The following NUMB variants were observed in gnomAD, a reference collection of about 807,000 sequenced individuals.
NUMB encodes the protein NUMB endocytic adaptor protein, also known as protein numb homolog.
NUMB carries 29 observed loss-of-function variants against 59.7 expected under a neutral mutation model. That is an observed-to-expected ratio of 0.49 (90% CI 0.36 to 0.66). The LOEUF is 0.66. Ranked by LOEUF, NUMB falls within the 30% of genes least tolerant of loss-of-function variation. NUMB has a pLI of 0.00. For missense variants in NUMB, 723 were observed against 822.0 expected, an observed-to-expected ratio of 0.88 and a Z score of 1.47; for synonymous variants, 288 against 288.2, an observed-to-expected ratio of 1.00 and a Z score of 0.01.
intron 1 of NUMB, among the ~76,000 whole-genome samples, chr14:73,447,565 C>T (rs1485693392): frequency 6.6e-6 from 1 of 150,762 alleles, no homozygotes; most frequent in Non-Finnish European, 1.5e-5. Context: ...AGGCTGAGCA[C>T]AGTGTCTGAC....
At chr14:73,353,081 T>G (rs1347505298) in intron 4 of NUMB, among the ~76,000 whole-genome samples, 1 of 100,328 alleles carries the variant, frequency 1.0e-5, no homozygotes, top group Non-Finnish European at 2.0e-5. Context: ...TGTTTTTTTT[T>G]TTTTTTTTTT....
At chr14:73,348,421 T>C (rs1448135559) in intron 4 of NUMB, among the ~76,000 whole-genome samples, 1 of 152,232 alleles carries the variant, frequency 6.6e-6, no homozygotes, top group Non-Finnish European at 1.5e-5. Context: ...CCAGGGGCCA[T>C]AGCCCAATAC....
At chr14:73,340,575 G>C (rs1892581107) in intron 4 of NUMB, among the ~76,000 whole-genome samples, 1 of 152,180 alleles carries the variant, frequency 6.6e-6, no homozygotes, top group Non-Finnish European at 1.5e-5. Flanking sequence ...GTTGTTTGCT[G>C]TATTTGCAGT....
At chr14:73,316,123 G>A (rs1891072171) in intron 6 of NUMB, among the ~76,000 whole-genome samples, 1 of 152,086 alleles carries the variant, frequency 6.6e-6, no homozygotes, top group African/African-American at 2.4e-5. Context: ...CACCAGCCTT[G>A]GCCTCCCAAA....
chr14:73,334,262 T>C (rs1892164913), intron 4 of NUMB, among the ~76,000 whole-genome samples: 1 of 152,184 alleles, frequency 6.6e-6, no homozygotes, highest in African/African-American at 2.4e-5. Context: ...CTATTTGTTC[T>C]TTTCTTTTAC....
chr14:73,286,221 TTTA>T (rs1309070561), intron 9 of NUMB: 9,984 of 53,714 alleles, frequency 0.19, 1,308 homozygotes, highest in Non-Finnish European at 0.23. Context: ...TTTTTTTTTT[TTTA>T]AGGGATAGAG....
At chr14:73,367,198 T>C (rs1287715696) in intron 2 of NUMB, among the ~76,000 whole-genome samples, 1 of 151,314 alleles carries the variant, frequency 6.6e-6, no homozygotes, top group Non-Finnish European at 1.5e-5. Context: ...AACCACAATT[T>C]TCTCTAATAC....
At chr14:73,297,485 T>C in intron 6 of NUMB, 200 bp from the exon 7 acceptor site, 1 of 433,492 alleles carries the variant, frequency 2.3e-6, no homozygotes, top group Non-Finnish European at 4.1e-6. Flanking sequence ...AAAGCCATTA[T>C]TTTAGAAACA....
rs182027988 is a variant in NUMB at position 73,361,365 on chromosome 14, A to C, written c.-16+5532T>G. ...GTTAAGTATTCTCCTCCTTTGACCA[A>C]GAAGCTAATTGTTCACTAATATAAA... On this transcript the variant is annotated intron_variant, in intron 3 of 12. Coordinates refer to ENST00000555238, the MANE Select transcript of NUMB (RefSeq NM_001005743.2). 2.9e-3 allele frequency among the ~76,000 whole-genome samples: 435 copies of C among 152,314 alleles called. 6 individuals are homozygous for C. The highest frequency in any genetic ancestry group is 3.4e-3 in the Middle Eastern group (1 of 294).
intron 1 of NUMB, among the ~76,000 whole-genome samples, chr14:73,423,966 C>CAA (rs34582645): frequency 0.025 from 1,843 of 73,920 alleles, 43 homozygotes; most frequent in African/African-American, 0.077. Flanking sequence ...ACCCTGTCTC[C>CAA]AAAAAAAAAA....
chr14:73,399,022 A>G (rs549862126), intron 2 of NUMB, among the ~76,000 whole-genome samples: 1 of 152,376 alleles, frequency 6.6e-6, no homozygotes, highest in Admixed American at 6.5e-5. Context: ...GTGGAAATAC[A>G]TATACAATGG....
intron 1 of NUMB, among the ~76,000 whole-genome samples, chr14:73,442,704 T>C (rs1037461296): frequency 1.3e-5 from 2 of 152,104 alleles, no homozygotes; most frequent in African/African-American, 2.4e-5. Flanking sequence ...ATTCTAGAAA[T>C]TGCAAACTAA....
chr14:73,424,372 A>G (rs1010174139), intron 1 of NUMB, among the ~76,000 whole-genome samples: 6 of 152,194 alleles, frequency 3.9e-5, no homozygotes, highest in African/African-American at 1.4e-4. Flanking sequence ...ACAACGAATT[A>G]ACATAATTTT....
chr14:73,426,576 G>A (rs562925285), intron 1 of NUMB, among the ~76,000 whole-genome samples: 4 of 152,228 alleles, frequency 2.6e-5, no homozygotes, highest in Admixed American at 2.0e-4. Flanking sequence ...GGCCGGGCGC[G>A]GTGGCTCAGA....
chr14:73,425,998 C>A lies in NUMB; in HGVS notation c.-232-15930G>T, dbSNP rs946564967. Among the ~76,000 whole-genome samples, 6 of 151,798 alleles carry A rather than the reference C, an allele frequency of 4.0e-5. No homozygotes were observed. In the East Asian group the frequency reaches 1.2e-3, roughly 29 times the overall value. On this transcript the variant is annotated intron_variant, in intron 1 of 12. Transcript: ENST00000555238. ...TAATTTTTTGTATTTTTAGTAGATA[C>A]AATGTTTCAACATGTTCTCCAGTCT...
chr14:73,283,984 A>G (rs1438137588), intron 10 of NUMB, 97 bp downstream of exon 10: 9 of 1,150,378 alleles, frequency 7.8e-6, no homozygotes, highest in Non-Finnish European at 1.0e-5. Flanking sequence ...TCAGGGAAAG[A>G]GGAATGCCTA....
intron 4 of NUMB, among the ~76,000 whole-genome samples, chr14:73,342,690 A>G (rs1352193724): frequency 6.6e-6 from 1 of 152,246 alleles, no homozygotes; most frequent in Non-Finnish European, 1.5e-5. Context: ...TAACAGCAGC[A>G]GCAGCAGCAA....
intron 4 of NUMB, among the ~76,000 whole-genome samples, chr14:73,343,604 GA>G (rs925229200): frequency 2.0e-5 from 3 of 152,170 alleles, no homozygotes; most frequent in Non-Finnish European, 2.9e-5. Context: ...GAATTAGTGG[GA>G]AGTCTCTGTG....
At chr14:73,280,187 C>T (rs1308260438) in intron 11 of NUMB, among the ~76,000 whole-genome samples, 1 of 152,048 alleles carries the variant, frequency 6.6e-6, no homozygotes. Context: ...TTGTTTCCTC[C>T]TCAAAAGTTA....
Sources: allele counts gnomAD v4.1 joint callset (sites outside exome capture counted in the v4.1 genomes callset), GRCh38; gene constraint gnomAD v4.1.1; transcripts MANE v1.5; gene names NCBI Gene and HGNC (gene_info 2026-07-23, HGNC 2026-07-21).